CENPN: variants seen among roughly 807,000 people sequenced by gnomAD.
CENPN encodes the protein interphase centromere complex protein 32.
CENPN carries 36 observed loss-of-function variants against 48.6 expected under a neutral mutation model. The ratio of observed to expected loss-of-function variants is 0.74; its 90% CI spans 0.57 to 0.98. The LOEUF (loss-of-function observed/expected upper bound fraction) is 0.98, where lower values mean the gene tolerates loss of function less well. Among genes scored for constraint, CENPN ranks in the 50% least tolerant of loss-of-function variants. The pLI is 0.00. For missense variants in CENPN, 439 were observed against 399.2 expected (o/e 1.10, Z -0.85); for synonymous variants, 166 against 135.2 (o/e 1.23, Z -1.58).
intron 3 of CENPN, among the ~76,000 whole-genome samples, chr16:81,015,570 A>T (rs1452346836): frequency 2.6e-5 from 4 of 152,242 alleles, no homozygotes; most frequent in African/African-American, 7.2e-5. Context: ...GCTCCAACTC[A>T]TGGCATGCTC....
chr16:81,019,701 TACAAAAAAAA>T (rs1008803087), intron 5 of CENPN, among the ~76,000 whole-genome samples: 6 of 151,376 alleles, frequency 4.0e-5, no homozygotes, highest in African/African-American at 1.5e-4. Context: ...CAATCACCTC[TACAAAAAAAA>T]ACTTTTTTAA....
intron 5 of CENPN, 101 bp downstream of exon 5, chr16:81,017,935 C>T (rs1970001367): frequency 1.5e-6 from 1 of 677,144 alleles, no homozygotes. Flanking sequence ...GTAAGAAATT[C>T]AGTTAGTAAT....
Position 81,018,292 on chromosome 16 carries a change from G to T in CENPN, c.354+458G>T, listed in dbSNP as rs145708828. Among the ~76,000 whole-genome samples, 440 of 151,660 alleles carry T rather than the reference G, an allele frequency of 2.9e-3. 4 individuals are homozygous for T. Among genetic ancestry groups the T allele is most frequent in the African/African-American group, 0.01 (418 of 41,286 alleles). On this transcript the variant is annotated intron_variant, in intron 5 of 10. Transcript: ENST00000305850. The stretch of plus-strand genomic sequence containing the variant: ...GGGTTCAAGCAATTCTTCTGCCTCT[G>T]CCTCCCGAGTAGCTGGGACTACAAG...
At chr16:81,015,857 A>G (rs994078972) in intron 3 of CENPN, among the ~76,000 whole-genome samples, 2 of 152,126 alleles carry the variant, frequency 1.3e-5, no homozygotes, top group South Asian at 4.1e-4. Flanking sequence ...AATACAAAAA[A>G]TTAGCCGGGC....
intron 1 of CENPN, among the ~76,000 whole-genome samples, chr16:81,010,532 G>C (rs916251429): frequency 6.6e-5 from 10 of 152,170 alleles, no homozygotes; most frequent in African/African-American, 2.4e-4. Flanking sequence ...AGAGCTCTTT[G>C]TTCACAGGCG....
At chr16:81,008,000 G>C (rs1168322640) in intron 1 of CENPN, among the ~76,000 whole-genome samples, 1 of 152,026 alleles carries the variant, frequency 6.6e-6, no homozygotes, top group African/African-American at 2.4e-5. Context: ...CCAGCTATTT[G>C]GGAGGCTGAG....
At chr16:81,022,926 G>A in intron 7 of CENPN, 2 of 1,546,316 alleles carry the variant, frequency 1.3e-6, no homozygotes, top group Non-Finnish European at 1.7e-6. Flanking sequence ...ACTGGAGTCT[G>A]TGTTGTAGAT....
intron 8 of CENPN, among the ~76,000 whole-genome samples, chr16:81,025,280 C>A (rs1970412370): frequency 6.6e-6 from 1 of 152,156 alleles, no homozygotes; most frequent in Admixed American, 6.5e-5. Context: ...GACTGTATTG[C>A]TACTCACAGA....
rs143058224 is a variant in CENPN at position 81,022,966 on chromosome 16, G to C, written c.633+268G>C. The C allele has an allele frequency of 4.3e-4, 547 of 1,270,166 alleles. 4 individuals are homozygous for C. The East Asian group carries it at 8.2e-3, about 19-fold the overall frequency. The allele number at this position is 1,270,166 out of a possible 1,614,324, so 78.7% of individuals were successfully genotyped here. A position where few individuals can be genotyped will look rare whatever the true frequency, so the allele number is the denominator to read the frequency against. ...GCTTCCAAATCACCTGATCACACTA[G>C]AATTTGTTTTCTCTTTAGAGAAACT... is the stretch of plus-strand genomic sequence containing the variant. On this transcript the variant is annotated intron_variant, in intron 7 of 10. Transcript: ENST00000305850.
At chr16:81,019,386 T>C (rs1182304008) in intron 5 of CENPN, among the ~76,000 whole-genome samples, 1 of 151,910 alleles carries the variant, frequency 6.6e-6, no homozygotes, top group Non-Finnish European at 1.5e-5. Context: ...CTGGCTTTTT[T>C]TTTTTTTTCC....
intron 1 of CENPN, among the ~76,000 whole-genome samples, chr16:81,007,710 C>T (rs1969503616): frequency 6.6e-6 from 1 of 152,190 alleles, no homozygotes; most frequent in Non-Finnish European, 1.5e-5. Context: ...AGGTGTGTGG[C>T]TACGGGAACG....
At chr16:81,014,564 A>G (rs1256100125) in intron 3 of CENPN, among the ~76,000 whole-genome samples, 1 of 152,152 alleles carries the variant, frequency 6.6e-6, no homozygotes. Context: ...TCTAGAGTTC[A>G]GGAGACCTTG....
At chr16:81,009,389 G>A (rs1362900745) in intron 1 of CENPN, among the ~76,000 whole-genome samples, 1 of 152,128 alleles carries the variant, frequency 6.6e-6, no homozygotes, top group Non-Finnish European at 1.5e-5. Flanking sequence ...AGGCACAATG[G>A]TCCTTCTCTA....
chr16:81,012,104 G>A lies in CENPN; in HGVS notation c.165G>A (p.Leu55=). ...KESVVQHLIH[L]CEEKRASISD... ...CTGTAGTTCAGCACTTGATCCATCT[G>A]TGTGAGGTAACAGTGTTAAAAATGA... is the stretch of plus-strand genomic sequence containing the variant. Residue 55 remains leucine, a synonymous_variant, in exon 2 of 11, where the codon CTG becomes CTA. Transcript: ENST00000305850. 1.2e-6 allele frequency: 2 copies of A among 1,614,018 alleles called. No individual in the cohort carries two copies. The highest frequency in any genetic ancestry group is 2.2e-5 in the South Asian group (2 of 91,074).
chr16:81,022,307 T>C, intron 6 of CENPN: 1 of 335,958 alleles, frequency 3.0e-6, no homozygotes. Flanking sequence ...ACATTTTGAG[T>C]ATTTATTGTT....
intron 9 of CENPN, 30 bp downstream of exon 9, chr16:81,026,668 A>C: frequency 1.8e-6 from 2 of 1,098,582 alleles, no homozygotes; most frequent in Non-Finnish European, 2.7e-6. Flanking sequence ...ATTAAGTACA[A>C]GATATCAACA....
At chr16:81,018,099 G>T (rs1268230730) in intron 5 of CENPN, among the ~76,000 whole-genome samples, 1 of 152,088 alleles carries the variant, frequency 6.6e-6, no homozygotes, top group Non-Finnish European at 1.5e-5. Context: ...GCTCTGTATT[G>T]GCACTGTTCA....
chr16:81,032,736 A>C, downstream of CENPN: 1 of 1,572,828 alleles, frequency 6.4e-7, no homozygotes, highest in South Asian at 1.1e-5. Context: ...ATGGTTAATC[A>C]AATGTATGTC....
At chr16:81,016,786 C>CACATACATACAT (rs71272433) in intron 3 of CENPN, 3 of 152,754 alleles carry the variant, frequency 2.0e-5, no homozygotes, top group African/African-American at 7.3e-5. Context: ...AATAAATACA[C>CACATACATACAT]ACATACATAC....
Sources: allele counts gnomAD v4.1 joint callset (sites outside exome capture counted in the v4.1 genomes callset), GRCh38; gene constraint gnomAD v4.1.1; transcripts MANE v1.5; gene names NCBI Gene and HGNC (gene_info 2026-07-23, HGNC 2026-07-21).